Variants in LRFN4 observed in about 807,000 individuals in gnomAD.
LRFN4 encodes the protein leucine-rich repeat and fibronectin type-III domain-containing protein 4.
A neutral mutation model predicts 29.0 loss-of-function variants in LRFN4; 10 were observed. That is an observed-to-expected ratio of 0.35 (90% CI 0.21 to 0.59). The LOEUF (loss-of-function observed/expected upper bound fraction) is 0.59. LRFN4 is among the 20% of genes least tolerant of loss of function. The pLI, the probability that LRFN4 is intolerant of heterozygous loss-of-function variation, is 0.82. For synonymous variants in LRFN4, 493 were observed against 437.0 expected, an observed-to-expected ratio of 1.13 and a Z score of -1.60; for missense variants, 850 against 907.9, an observed-to-expected ratio of 0.94 and a Z score of 0.82.
chr11:66,858,760 G>T lies in LRFN4; in HGVS notation c.1016G>T (p.Gly339Val), dbSNP rs1220019192. The part of the protein sequence containing the change: ...RAFPNGTLEI[G>V]VTGAGDAGGY... ...TTCCCCAACGGGACCTTAGAGATTGGGGTGACCGGCGCTGGGGACGCTGGG... is the reference window on the plus strand; with the variant it reads ...TTCCCCAACGGGACCTTAGAGATTGTGGTGACCGGCGCTGGGGACGCTGGG... Residue 339 changes from glycine (G) to valine (V), a missense_variant, in exon 1 of 2, where the codon GGG (glycine) becomes GTG (valine). By Grantham distance (109) the Gly-to-Val change is moderately radical. Around this residue, in one of 2 missense-constraint regions of LRFN4, gnomAD observed 744 missense variants for 753.8 expected, o/e 0.99. Coordinates refer to ENST00000309602, the MANE Select transcript of LRFN4 (RefSeq NM_024036.5). This position sits in a 1 kb window ranked among gnomAD's most constrained non-coding sequence, Gnocchi z 5.9. 1 of 1,553,024 alleles carries T rather than the reference G, an allele frequency of 6.4e-7. No individual in the cohort carries two copies.
Position 66,859,954 on chromosome 11 carries a change from T to C in LRFN4, c.1667T>C (p.Val556Ala). Residue 556 changes from valine to alanine, a missense_variant, in exon 2 of 2, where the codon GTC becomes GCC. Physicochemically the swap from Val to Ala is moderately conservative, Grantham distance 64. Transcript: ENST00000309602. Reference sequence around the variant, plus strand: ...CGCCTCCCCCTCAAGCTCAGCCACGTCCAGTCCCAGACCAATGGAGGCCCC... The same window carrying C: ...CGCCTCCCCCTCAAGCTCAGCCACGCCCAGTCCCAGACCAATGGAGGCCCC... ...NGRLPLKLSHVQSQTNGGPSP... is the reference protein window; with the variant it reads ...NGRLPLKLSHAQSQTNGGPSP... 2 of 1,600,520 alleles carry C rather than the reference T, an allele frequency of 1.2e-6. No individual in the cohort carries two copies. The highest frequency in any genetic ancestry group is 1.7e-6 in the Non-Finnish European group (2 of 1,173,878).
intron 1 of LRFN4, 126 bp from the exon 2 acceptor site, chr11:66,859,511 G>A: frequency 6.6e-7 from 1 of 1,520,648 alleles, no homozygotes; most frequent in Non-Finnish European, 8.8e-7. Context: ...TCACCTTCCT[G>A]AGTGAACCCA....
Position 66,860,389 on chromosome 11 carries a change from A to T in LRFN4, c.*194A>T, listed in dbSNP as rs1411045706. 1 of 789,152 alleles carries T rather than the reference A, an allele frequency of 1.3e-6. No individual in the cohort carries two copies. Among genetic ancestry groups the T allele is most frequent in the Non-Finnish European group, 2.2e-6 (1 of 464,204 alleles). 48.9% of individuals were successfully genotyped at this position (789,152 alleles called of 1,614,324 possible). On this transcript the variant is annotated 3_prime_UTR_variant, in exon 2 of 2. Transcript: ENST00000309602. ...CAGGGTAAGGGCAGGCCCCTCCAAC[A>T]GGTGCTCACAGCCACCGAGGCAGGG...
rs1263813217 is a variant in LRFN4, at chr11:66,858,336, C to T, written c.592C>T (p.Leu198=). 6.2e-7 allele frequency: 1 copy of T among 1,605,566 alleles called. No individual in the cohort carries two copies. Among genetic ancestry groups the T allele is most frequent in the South Asian group, 1.1e-5 (1 of 90,686 alleles). The part of the protein sequence containing the change: ...AFAQLGQLSR[L]DLTSNRLATL... ...CGCCCAGCTCGGTCAGCTCTCCCGC[C>T]TGGACCTCACCTCCAACCGCCTGGC... The change falls in exon 1 of 2, where the codon CTG becomes TTG. Residue 198 remains leucine (L), a synonymous_variant. Transcript: ENST00000309602. The surrounding 1 kb of genome is among the most constrained non-coding windows in gnomAD (Gnocchi z 5.9).
chr11:66,858,155 G>T lies in LRFN4; in HGVS notation c.411G>T (p.Pro137=). 2 of 1,610,732 alleles carry T rather than the reference G, an allele frequency of 1.2e-6. No individual in the cohort carries two copies. The highest frequency in any genetic ancestry group is 1.7e-6 in the Non-Finnish European group (2 of 1,178,828). ...GCAACCAGCTGGGCCGCATCGCGCC[G>T]GGAGCCTTCGACGACTTCCTAGAGA... ...LSGNQLGRIA[P]GAFDDFLESL... is the part of the protein sequence containing the mutation. The change falls in exon 1 of 2, where the codon CCG becomes CCT. Residue 137 remains proline (P), a synonymous_variant. Coordinates refer to ENST00000309602, the MANE Select transcript of LRFN4 (RefSeq NM_024036.5). The surrounding 1 kb of genome is among the most constrained non-coding windows in gnomAD (Gnocchi z 5.9).
Position 66,858,858 on chromosome 11 carries a change from C to A in LRFN4, c.1114C>A (p.Pro372Thr), listed in dbSNP as rs1383806190. The A allele has an allele frequency of 1.3e-6, 2 of 1,554,556 alleles. No individual in the cohort carries two copies. The highest frequency in any genetic ancestry group is 1.7e-6 in the Non-Finnish European group (2 of 1,150,252). The change falls in exon 1 of 2, where the codon CCC becomes ACC. Residue 372 changes from proline (P) to threonine (T), a missense_variant. Pro to Thr is a conservative substitution (Grantham distance 38, BLOSUM62 -1). Transcript: ENST00000309602. This position sits in a 1 kb window ranked among gnomAD's most constrained non-coding sequence, Gnocchi z 5.9. ...ARVELRVLAL[P>T]HGGNSSAEGG... is the part of the protein sequence containing the mutation. The stretch of plus-strand genomic sequence containing the variant: ...AGTAGAACTGCGGGTGCTGGCCTTG[C>A]CCCATGGTGGGAACAGCAGTGCCGA...
In LRFN4 at chr11:66,857,572, C is replaced by T. The variant is rs1219126207; in HGVS notation, c.-173C>T. The T allele has an allele frequency of 7.5e-6, 5 of 666,262 alleles. No individual in the cohort carries two copies. The highest frequency in any genetic ancestry group is 6.0e-5 in the Admixed American group (2 of 33,554). 41.3% of individuals were successfully genotyped at this position (666,262 alleles called of 1,614,324 possible). ...GACCTTTGCTCTGGGGGGCCTGGCC[C>T]TGCAGGCCCCAACCTTCCCTCATCT... On this transcript the variant is annotated 5_prime_UTR_variant, in exon 1 of 2. Transcript: ENST00000309602. This position sits in a 1 kb window ranked among gnomAD's most constrained non-coding sequence, Gnocchi z 7.1.
At position 66,858,412 on chromosome 11, in the gene LRFN4, C is replaced by A; in HGVS notation, c.668C>A (p.Ser223Tyr). 6.4e-7 allele frequency: 1 copy of A among 1,556,216 alleles called. No individual in the cohort carries two copies. The highest frequency in any genetic ancestry group is 8.6e-7 in the Non-Finnish European group (1 of 1,156,644). Residue 223 changes from serine to tyrosine, a missense_variant, in exon 1 of 2, where the codon TCT becomes TAT. Around this residue, in one of 2 missense-constraint regions of LRFN4, gnomAD observed 744 missense variants for 753.8 expected, o/e 0.99. Transcript: ENST00000309602. The surrounding 1 kb of genome is among the most constrained non-coding windows in gnomAD (Gnocchi z 5.9). ...LFSRGRDAEA[S>Y]PAPLVLSFSG... The stretch of plus-strand genomic sequence containing the variant: ...TCTCGTGGGCGTGATGCAGAGGCCT[C>A]TCCCGCCCCCCTGGTGCTGAGCTTT...
rs781763774 is a variant in LRFN4, at chr11:66,858,690, G to A, written c.946G>A (p.Gly316Ser). The A allele has an allele frequency of 1.7e-5, 27 of 1,547,720 alleles. No homozygotes were observed. In the Admixed American group the frequency reaches 4.5e-4, roughly 26 times the overall value. ...GDPAPTMHWV[G>S]PDDRLVGNSS... ...CCCCGCGCCTACCATGCACTGGGTC[G>A]GTCCTGACGACCGGTTGGTTGGCAA... is the stretch of plus-strand genomic sequence containing the variant. Residue 316 changes from glycine (G) to serine (S), a missense_variant, in exon 1 of 2, where the codon GGT (glycine) becomes AGT (serine). By Grantham distance (56) the Gly-to-Ser change is moderately conservative. Transcript: ENST00000309602. This position sits in a 1 kb window ranked among gnomAD's most constrained non-coding sequence, Gnocchi z 5.9.
Position 66,859,968 on chromosome 11 carries a change from A to C in LRFN4, c.1681A>C (p.Asn561His), listed in dbSNP as rs1946143099. The change falls in exon 2 of 2, where the codon AAT becomes CAT. Residue 561 changes from asparagine (N) to histidine (H), a missense_variant. Around this residue, in one of 2 missense-constraint regions of LRFN4, gnomAD observed 744 missense variants for 753.8 expected, o/e 0.99. Coordinates refer to ENST00000309602, the MANE Select transcript of LRFN4 (RefSeq NM_024036.5). ...GCTCAGCCACGTCCAGTCCCAGACC[A>C]ATGGAGGCCCCAGCCCCACACCCAA... ...LKLSHVQSQT[N>H]GGPSPTPKAH... 2 of 1,601,680 alleles carry C rather than the reference A, an allele frequency of 1.2e-6. No individual in the cohort carries two copies. Among genetic ancestry groups the C allele is most frequent in the Non-Finnish European group, 1.7e-6 (2 of 1,174,292 alleles).
rs1946136734 is a variant in LRFN4, at chr11:66,859,882, T to C, written c.1595T>C (p.Val532Ala). The change falls in exon 2 of 2, where the codon GTC becomes GCC. Residue 532 changes from valine (V) to alanine (A), a missense_variant. By Grantham distance (64) the Val-to-Ala change is moderately conservative. Around this residue, in one of 2 missense-constraint regions of LRFN4, gnomAD observed 744 missense variants for 753.8 expected, o/e 0.99. Coordinates refer to ENST00000309602, the MANE Select transcript of LRFN4 (RefSeq NM_024036.5). ...GGTGTGCTGGTGGCTGCCTTACTGG[T>C]CTTCACTGTGGCCTTGCTGGTTCGG... ...VGGVLVAALLVFTVALLVRGR... is the reference protein window; with the variant it reads ...VGGVLVAALLAFTVALLVRGR... 1.3e-6 allele frequency: 2 copies of C among 1,567,916 alleles called. No homozygotes were observed. The highest frequency in any genetic ancestry group is 1.7e-6 in the Non-Finnish European group (2 of 1,157,684).
At position 66,859,953 on chromosome 11, in the gene LRFN4, G is replaced by C; in HGVS notation, c.1666G>C (p.Val556Leu). 6.2e-7 allele frequency: 1 copy of C among 1,600,094 alleles called. No individual in the cohort carries two copies. Among genetic ancestry groups the C allele is most frequent in the South Asian group, 1.1e-5 (1 of 89,362 alleles). The change falls in exon 2 of 2, where the codon GTC becomes CTC. Residue 556 changes from valine (V) to leucine (L), a missense_variant. Transcript: ENST00000309602. Reference sequence around the variant, plus strand: ...CCGCCTCCCCCTCAAGCTCAGCCACGTCCAGTCCCAGACCAATGGAGGCCC... The same window carrying C: ...CCGCCTCCCCCTCAAGCTCAGCCACCTCCAGTCCCAGACCAATGGAGGCCC... ...NGRLPLKLSHVQSQTNGGPSP... is the reference protein window; with the variant it reads ...NGRLPLKLSHLQSQTNGGPSP...
Position 66,858,603 on chromosome 11 carries a change from A to G in LRFN4, c.859A>G (p.Thr287Ala), listed in dbSNP as rs1184651090. The G allele has an allele frequency of 1.3e-6, 2 of 1,534,884 alleles. No individual in the cohort carries two copies. The highest frequency in any genetic ancestry group is 1.7e-6 in the Non-Finnish European group (2 of 1,144,118). The stretch of plus-strand genomic sequence containing the variant: ...TGAGCCGCCCCTCATTGCCCGCCAC[A>G]CGCAGCGCCTCTGGGTGCTGGAAGG... ...SCEPPLIARH[T>A]QRLWVLEGQR... is the part of the protein sequence containing the mutation. Residue 287 changes from threonine to alanine, a missense_variant, in exon 1 of 2, where the codon ACG becomes GCG. Coordinates refer to ENST00000309602, the MANE Select transcript of LRFN4 (RefSeq NM_024036.5). This position sits in a 1 kb window ranked among gnomAD's most constrained non-coding sequence, Gnocchi z 5.9.
chr11:66,859,788 C>T lies in LRFN4; in HGVS notation c.1501C>T (p.Pro501Ser). ...GGGCTGTGCCCATTTCTCCACGCTG[C>T]CGGCCTCGCCCCTGTGCCACGCCCT... ...LLGCAHFSTL[P>S]ASPLCHALQA... Residue 501 changes from proline to serine, a missense_variant, in exon 2 of 2, where the codon CCG becomes TCG. Transcript: ENST00000309602. 1 of 1,598,196 alleles carries T rather than the reference C, an allele frequency of 6.3e-7. No homozygotes were observed. Among genetic ancestry groups the T allele is most frequent in the Non-Finnish European group, 8.5e-7 (1 of 1,172,336 alleles).
chr11:66,859,952 C>T lies in LRFN4; in HGVS notation c.1665C>T (p.His555=), dbSNP rs780413143. ...GNGRLPLKLS[H]VQSQTNGGPS... Reference sequence around the variant, plus strand: ...GCCGCCTCCCCCTCAAGCTCAGCCACGTCCAGTCCCAGACCAATGGAGGCC... The same window carrying T: ...GCCGCCTCCCCCTCAAGCTCAGCCATGTCCAGTCCCAGACCAATGGAGGCC... Residue 555 remains histidine (H), a synonymous_variant, in exon 2 of 2, where the codon CAC becomes CAT. Transcript: ENST00000309602. The T allele has an allele frequency of 8.8e-6, 14 of 1,598,834 alleles. No homozygotes were observed. The highest frequency in any genetic ancestry group is 1.7e-5 in the Admixed American group (1 of 58,506).
At position 66,859,742 on chromosome 11, in the gene LRFN4, C is replaced by T. The variant is rs748719583; in HGVS notation, c.1455C>T (p.Asp485=). Residue 485 remains aspartate, a synonymous_variant, in exon 2 of 2, where the codon GAC becomes GAT. Coordinates refer to ENST00000309602, the MANE Select transcript of LRFN4 (RefSeq NM_024036.5). Reference sequence around the variant, plus strand: ...TGTCACCGGCCGCTGGGCCCTCTGACCTCACGGCCACCAGGCTGCTGGGCT... The same window carrying T: ...TGTCACCGGCCGCTGGGCCCTCTGATCTCACGGCCACCAGGCTGCTGGGCT... ...LALSPAAGPS[D]LTATRLLGCA... 3 of 1,610,146 alleles carry T rather than the reference C, an allele frequency of 1.9e-6. No homozygotes were observed. The South Asian group carries it at 3.3e-5, about 18-fold the overall frequency.
Position 66,858,984 on chromosome 11 carries a change from G to A in LRFN4, c.1240G>A (p.Val414Met). 1 of 1,563,844 alleles carries A rather than the reference G, an allele frequency of 6.4e-7. No individual in the cohort carries two copies. Among genetic ancestry groups the A allele is most frequent in the Non-Finnish European group, 8.7e-7 (1 of 1,151,104 alleles). The change falls in exon 1 of 2, where the codon GTG becomes ATG. Residue 414 changes from valine (V) to methionine (M), a missense_variant. This residue lies in a region of LRFN4 where 744 missense variants were observed against 753.8 expected (regional missense o/e 0.99). Transcript: ENST00000309602. This position sits in a 1 kb window ranked among gnomAD's most constrained non-coding sequence, Gnocchi z 5.9. ...ESEPAVQVTE[V>M]TATSGLVSWG... The stretch of plus-strand genomic sequence containing the variant: ...TGAGCCAGCCGTGCAGGTGACGGAG[G>A]TGACCGCCACCTCAGGGCTGGTGAG...
Position 66,858,403 on chromosome 11 carries a change from C to T in LRFN4, c.659C>T (p.Ala220Val). ...PDPLFSRGRD[A>V]EASPAPLVLS... ...CCGCTTTTCTCTCGTGGGCGTGATG[C>T]AGAGGCCTCTCCCGCCCCCCTGGTG... Residue 220 changes from alanine (A) to valine (V), a missense_variant, in exon 1 of 2, where the codon GCA (alanine) becomes GTA (valine). Transcript: ENST00000309602. The surrounding 1 kb of genome is among the most constrained non-coding windows in gnomAD (Gnocchi z 5.9). 1.9e-6 allele frequency: 3 copies of T among 1,559,808 alleles called. No homozygotes were observed. The highest frequency in any genetic ancestry group is 1.9e-5 in the Admixed American group (1 of 52,852).
rs1041082731 is a variant in LRFN4 at position 66,857,640 on chromosome 11, C to T, written c.-105C>T. On this transcript the variant is annotated 5_prime_UTR_variant, in exon 1 of 2. Coordinates refer to ENST00000309602, the MANE Select transcript of LRFN4 (RefSeq NM_024036.5). This position sits in a 1 kb window ranked among gnomAD's most constrained non-coding sequence, Gnocchi z 7.1. ...CCTCTGACCCAGCCCCTCCCCGGGC[C>T]AGGCTCACAGAAGCTGGCTTCTGGG... 3 of 1,307,866 alleles carry T rather than the reference C, an allele frequency of 2.3e-6. No individual in the cohort carries two copies. Among genetic ancestry groups the T allele is most frequent in the African/African-American group, 3.0e-5 (2 of 67,362 alleles). 81.0% of individuals were successfully genotyped at this position (1,307,866 alleles called of 1,614,324 possible). A position where few individuals can be genotyped will look rare whatever the true frequency, so the allele number is the denominator to read the frequency against.
Sources: gnomAD v4.1 joint callset for allele counts on GRCh38, gnomAD v4.1.1 for gene constraint, gnomAD v4.1.1 regional missense constraint, Gnocchi (gnomAD v3.1) non-coding constraint, MANE v1.5 for transcripts, NCBI Gene and HGNC (gene_info 2026-07-23, HGNC 2026-07-21) for gene names.